CALN1: variants seen among roughly 807,000 people sequenced by gnomAD.
CALN1 encodes calcium-binding protein 8.
In CALN1, 17 loss-of-function variants were observed where a neutral mutation model predicts 30.6. The ratio of observed to expected loss-of-function variants is 0.56; its 90% CI spans 0.38 to 0.83. The LOEUF (loss-of-function observed/expected upper bound fraction) is 0.83, where lower values mean the gene tolerates loss of function less well. CALN1 is among the 40% of genes least tolerant of loss of function. The pLI, the probability that CALN1 is intolerant of heterozygous loss-of-function variation, is 0.00. For synonymous variants in CALN1, 156 were observed against 131.4 expected, an observed-to-expected ratio of 1.19 and a Z score of -1.28; for missense variants, 291 against 354.9, an observed-to-expected ratio of 0.82 and a Z score of 1.45.
intron 6 of CALN1, among the ~76,000 whole-genome samples, chr7:71,802,587 C>A (rs552808603): frequency 6.6e-6 from 1 of 152,118 alleles, no homozygotes; most frequent in African/African-American, 2.4e-5. Flanking sequence ...CTCAGCCTCC[C>A]GAATAGCTGA....
intron 2 of CALN1, among the ~76,000 whole-genome samples, chr7:72,358,746 C>T (rs1017587468): frequency 5.3e-5 from 8 of 151,890 alleles, no homozygotes; most frequent in Non-Finnish European, 7.4e-5. Flanking sequence ...GTTAGGAGTT[C>T]GAGACAAGCG....
chr7:72,188,920 G>A (rs573678937), intron 3 of CALN1, among the ~76,000 whole-genome samples: 5 of 151,990 alleles, frequency 3.3e-5, no homozygotes, highest in Admixed American at 1.3e-4. Context: ...TCCCTACACC[G>A]CACACACACA....
At chr7:72,005,016 C>A (rs1099451) in intron 5 of CALN1, among the ~76,000 whole-genome samples, 28,210 of 152,052 alleles carry the variant, frequency 0.19, 4,507 homozygotes, top group African/African-American at 0.42. Flanking sequence ...AATCAGAAAA[C>A]CTGAATCACT....
intron 3 of CALN1, among the ~76,000 whole-genome samples, chr7:72,210,150 T>C (rs1416533994): frequency 6.6e-6 from 1 of 151,804 alleles, no homozygotes; most frequent in African/African-American, 2.4e-5. Flanking sequence ...TTCTTCCGTC[T>C]CCCCCTTCCA....
At chr7:72,316,759 G>A (rs1432803308) in intron 2 of CALN1, among the ~76,000 whole-genome samples, 1 of 151,840 alleles carries the variant, frequency 6.6e-6, no homozygotes, top group African/African-American at 2.4e-5. Flanking sequence ...ACCTGTAACA[G>A]CATAGTGAGA....
intron 3 of CALN1, among the ~76,000 whole-genome samples, chr7:72,179,549 G>A (rs1174997546): frequency 1.3e-5 from 2 of 151,994 alleles, no homozygotes; most frequent in African/African-American, 4.8e-5. Context: ...AATTAAAACT[G>A]AAGAAGAAAA....
At chr7:72,131,490 A>C (rs931672917) in intron 3 of CALN1, among the ~76,000 whole-genome samples, 1 of 152,150 alleles carries the variant, frequency 6.6e-6, no homozygotes, top group Non-Finnish European at 1.5e-5. Flanking sequence ...TATCAGAACA[A>C]AAATCTTGCT....
chr7:72,283,638 G>A (rs1203498990), intron 2 of CALN1, among the ~76,000 whole-genome samples: 22 of 152,310 alleles, frequency 1.4e-4, no homozygotes, highest in South Asian at 1.2e-3. Context: ...CAGGATGCAG[G>A]GGCAACAAGA....
intron 3 of CALN1, among the ~76,000 whole-genome samples, chr7:72,271,810 C>G (rs1246485212): frequency 6.6e-6 from 1 of 151,354 alleles, no homozygotes; most frequent in African/African-American, 2.4e-5. Flanking sequence ...TGCCTATAAT[C>G]CCAGCACTTT....
At chr7:72,081,340 A>G (rs1033134241) in intron 4 of CALN1, among the ~76,000 whole-genome samples, 6 of 150,968 alleles carry the variant, frequency 4.0e-5, no homozygotes, top group African/African-American at 1.5e-4. Context: ...AATTGCAGGA[A>G]GTCACAAGAC....
chr7:72,209,090 C>A (rs1792127240), intron 3 of CALN1, among the ~76,000 whole-genome samples: 1 of 141,518 alleles, frequency 7.1e-6, no homozygotes, highest in Non-Finnish European at 1.5e-5. Flanking sequence ...TCCCTTCCCT[C>A]CTTTCTTGTG....
At chr7:71,953,925 T>C (rs1025927226) in intron 5 of CALN1, among the ~76,000 whole-genome samples, 1 of 152,078 alleles carries the variant, frequency 6.6e-6, no homozygotes, top group African/African-American at 2.4e-5. Context: ...GGGTTGGTGG[T>C]TGGCAGTGTG....
intron 1 of CALN1, among the ~76,000 whole-genome samples, chr7:72,404,632 A>G (rs1354380093): frequency 6.6e-6 from 1 of 152,148 alleles, no homozygotes; most frequent in Non-Finnish European, 1.5e-5. Flanking sequence ...TTGGCCCCTG[A>G]ACATTGTATC....
the CALN1 span, among the ~76,000 whole-genome samples, chr7:72,486,535 C>T: frequency 2.0e-5 from 3 of 151,920 alleles, no homozygotes; most frequent in African/African-American, 7.3e-5. Context: ...CCACACCTGG[C>T]TAATTTTTTA....
rs114091612 is a variant in CALN1 at position 72,257,776 on chromosome 7, T to G, written c.244+20910A>C. ...ATATGTTATGTGCACCACGGAATACTACTCAGCCATAAAAAGGAATGAAAC... is the reference window on the plus strand; with the variant it reads ...ATATGTTATGTGCACCACGGAATACGACTCAGCCATAAAAAGGAATGAAAC... On this transcript the variant is annotated intron_variant, in intron 3 of 6. Coordinates refer to ENST00000395275, the MANE Select transcript of CALN1 (RefSeq NM_031468.4). Among the ~76,000 whole-genome samples the G allele has an allele frequency of 7.2e-3, 1,096 of 152,302 alleles. 11 individuals are homozygous for G. The highest frequency in any genetic ancestry group is 0.026 in the African/African-American group (1,069 of 41,558).
At chr7:72,189,352 A>G (rs1790441594) in intron 3 of CALN1, among the ~76,000 whole-genome samples, 1 of 152,210 alleles carries the variant, frequency 6.6e-6, no homozygotes, top group South Asian at 2.1e-4. Context: ...TTTACAGAAA[A>G]GAATTTTGTT....
chr7:71,920,289 C>T (rs1794873818), intron 5 of CALN1, among the ~76,000 whole-genome samples: 1 of 149,042 alleles, frequency 6.7e-6, no homozygotes, highest in Non-Finnish European at 1.5e-5. Flanking sequence ...TAAAGCTTGT[C>T]TGCATCACTT....
At chr7:72,084,755 CAA>C (rs757442908) in intron 4 of CALN1, among the ~76,000 whole-genome samples, 21 of 152,142 alleles carry the variant, frequency 1.4e-4, no homozygotes, top group Non-Finnish European at 2.9e-4. Flanking sequence ...GTCTGCTCAT[CAA>C]AAGATACTAC....
intron 5 of CALN1, among the ~76,000 whole-genome samples, chr7:71,854,153 T>C (rs1331799850): frequency 6.6e-6 from 1 of 152,046 alleles, no homozygotes; most frequent in Non-Finnish European, 1.5e-5. Flanking sequence ...TTACACAACA[T>C]GGGCTAGAAG....
Sources: gnomAD v4.1 joint callset for allele counts (sites outside exome capture counted in the v4.1 genomes callset) on GRCh38, gnomAD v4.1.1 for gene constraint, MANE v1.5 for transcripts, NCBI Gene and HGNC (gene_info 2026-07-23, HGNC 2026-07-21) for gene names.